RORA: variants seen among roughly 807,000 people sequenced by gnomAD.
The protein encoded by RORA is RAR related orphan receptor A.
Under a neutral mutation model 69.5 loss-of-function variants are expected in RORA, and 7 were observed. The observed-to-expected ratio is 0.10, with a 90% CI of 0.06 to 0.19. The LOEUF is 0.19. RORA is among the 10% of genes least tolerant of loss of function. The probability of loss-of-function intolerance (pLI) is 1.00; values close to 1 mark genes in which losing one functional copy is unlikely to be tolerated. For missense variants in RORA, 457 were observed against 663.0 expected, an observed-to-expected ratio of 0.69 and a Z score of 3.41; for synonymous variants, 261 against 240.8, an observed-to-expected ratio of 1.08 and a Z score of -0.78.
intron 1 of RORA, among the ~76,000 whole-genome samples, chr15:60,879,289 A>T (rs189586995): frequency 0.022 from 3,303 of 152,052 alleles, 110 homozygotes; most frequent in African/African-American, 0.075. Context: ...GCCTTGGAGA[A>T]GTTTTTTTTT....
At chr15:60,779,832 A>G (rs940869455) in intron 1 of RORA, among the ~76,000 whole-genome samples, 1 of 152,196 alleles carries the variant, frequency 6.6e-6, no homozygotes, top group South Asian at 2.1e-4. Flanking sequence ...TGATCAGTCA[A>G]CTGAGGCCTG....
At chr15:60,710,650 A>G (rs1286044569) in intron 1 of RORA, among the ~76,000 whole-genome samples, 2 of 152,226 alleles carry the variant, frequency 1.3e-5, no homozygotes, top group African/African-American at 4.8e-5. Context: ...GAAGTTGACT[A>G]TTAATGGCTG....
chr15:60,914,393 C>A (rs1424812632), intron 1 of RORA, among the ~76,000 whole-genome samples: 5 of 152,142 alleles, frequency 3.3e-5, no homozygotes, highest in Non-Finnish European at 5.9e-5. Flanking sequence ...GAGAACCAGG[C>A]AGCCACTCCT....
intron 1 of RORA, among the ~76,000 whole-genome samples, chr15:60,855,540 G>A (rs943511059): frequency 2.6e-5 from 4 of 152,208 alleles, no homozygotes; most frequent in Non-Finnish European, 5.9e-5. Context: ...CAGGTAAAAT[G>A]TGACTCAGAT....
At chr15:60,862,562 T>C (rs1246319268) in intron 1 of RORA, among the ~76,000 whole-genome samples, 1 of 152,066 alleles carries the variant, frequency 6.6e-6, no homozygotes, top group African/African-American at 2.4e-5. Context: ...GATTGGCAAA[T>C]TGCATCCGCT....
chr15:60,668,900 C>A (rs1446635615), intron 2 of RORA, among the ~76,000 whole-genome samples: 1 of 152,134 alleles, frequency 6.6e-6, no homozygotes, highest in Non-Finnish European at 1.5e-5. Flanking sequence ...TGTCCTCTTA[C>A]CATAATTGTC....
At chr15:61,115,369 A>C (rs2079041784) in intron 1 of RORA, among the ~76,000 whole-genome samples, 1 of 152,168 alleles carries the variant, frequency 6.6e-6, no homozygotes, top group African/African-American at 2.4e-5. Flanking sequence ...CACTAACTTT[A>C]AAGGGAGCCT....
At chr15:61,040,914 T>C (rs1313915888) in intron 1 of RORA, among the ~76,000 whole-genome samples, 2 of 152,218 alleles carry the variant, frequency 1.3e-5, no homozygotes, top group Non-Finnish European at 2.9e-5. Flanking sequence ...AAAGCAACTA[T>C]AGTATTTTGT....
At chr15:60,765,331 G>A (rs1318978072) in intron 1 of RORA, 2 of 152,080 alleles carry the variant, frequency 1.3e-5, no homozygotes, top group African/African-American at 4.8e-5. Flanking sequence ...TGGCCTGGGA[G>A]TTCTTGAGAT....
intron 1 of RORA, among the ~76,000 whole-genome samples, chr15:60,911,859 G>GTTTTTTTTTTTT (rs35017718): frequency 6.9e-6 from 1 of 144,184 alleles, no homozygotes. Context: ...ACCTGGCTAA[G>GTTTTTTTTTTTT]TTTTTTTTTT....
intron 1 of RORA, among the ~76,000 whole-genome samples, chr15:61,092,403 C>A (rs2078721591): frequency 6.6e-6 from 1 of 152,210 alleles, no homozygotes; most frequent in Admixed American, 6.5e-5. Flanking sequence ...CTGCTCTGTT[C>A]TTTTTATAGT....
At chr15:60,585,959 C>T (rs2068323093) in intron 2 of RORA, among the ~76,000 whole-genome samples, 1 of 152,194 alleles carries the variant, frequency 6.6e-6, no homozygotes, top group Admixed American at 6.5e-5. Context: ...TTTAGCCGTC[C>T]ATGTGCAAGT....
At chr15:60,642,707 A>G (rs2069964802) in intron 2 of RORA, among the ~76,000 whole-genome samples, 1 of 152,086 alleles carries the variant, frequency 6.6e-6, no homozygotes. Context: ...CCTAGGCAAC[A>G]AAAAATTTAC....
chr15:60,596,011 A>C lies in RORA; in HGVS notation c.197-64160T>G, dbSNP rs2068658845. 6.6e-5 allele frequency among the ~76,000 whole-genome samples: 10 copies of C among 152,352 alleles called. No homozygotes were observed. The South Asian group carries it at 2.1e-3, about 32-fold the overall frequency. ...GGGGAAAAGATGGGTGCATTTTTGC[A>C]GGAGTCTAGACGGTAGTATCACTAG... On this transcript the variant is annotated intron_variant, in intron 2 of 10. Coordinates refer to ENST00000335670, the MANE Select transcript of RORA (RefSeq NM_134261.3).
intron 1 of RORA, among the ~76,000 whole-genome samples, chr15:60,965,569 C>G (rs770194727): frequency 6.6e-6 from 1 of 152,168 alleles, no homozygotes; most frequent in African/African-American, 2.4e-5. Context: ...ACTAGCCCAA[C>G]ACAAAGCCAT....
At position 61,226,544 on chromosome 15, in the gene RORA, C is replaced by G. The variant is rs188074029; in HGVS notation, c.166+2509G>C. ...CATCATCTGAAAACCCAAACATTTC[C>G]CATTTTCAAATCACTCTCAACTACC... On this transcript the variant is annotated intron_variant, in intron 1 of 10. Transcript: ENST00000335670. This position sits in a 1 kb window ranked among gnomAD's most constrained non-coding sequence, Gnocchi z 4.2. Among the ~76,000 whole-genome samples the G allele has an allele frequency of 6.6e-6, 1 of 152,296 alleles. No homozygotes were observed. Among genetic ancestry groups the G allele is most frequent in the African/African-American group, 2.4e-5 (1 of 41,548 alleles).
At chr15:60,771,819 G>T (rs1193944892) in intron 1 of RORA, among the ~76,000 whole-genome samples, 1 of 152,170 alleles carries the variant, frequency 6.6e-6, no homozygotes, top group East Asian at 1.9e-4. Flanking sequence ...AGAAGGGCCT[G>T]GTTCCTCCCC....
At chr15:60,850,236 G>A (rs1229191388) in intron 1 of RORA, among the ~76,000 whole-genome samples, 1 of 152,142 alleles carries the variant, frequency 6.6e-6, no homozygotes, top group East Asian at 1.9e-4. Flanking sequence ...CCAGCCCAAA[G>A]ATGAGCCAGC....
At chr15:61,069,298 C>T (rs1313067767) in intron 1 of RORA, among the ~76,000 whole-genome samples, 1 of 152,096 alleles carries the variant, frequency 6.6e-6, no homozygotes, top group Admixed American at 6.6e-5. Flanking sequence ...GTAAAAACTG[C>T]CATTTCTTTA....
Sources: gnomAD v4.1 joint callset for allele counts (sites outside exome capture counted in the v4.1 genomes callset) on GRCh38, gnomAD v4.1.1 for gene constraint, Gnocchi (gnomAD v3.1) non-coding constraint, MANE v1.5 for transcripts, NCBI Gene and HGNC (gene_info 2026-07-23, HGNC 2026-07-21) for gene names.